SHANK2: variants seen among roughly 807,000 people sequenced by gnomAD.
SHANK2 encodes SH3 and multiple ankyrin repeat domains 2, also known as SH3 and multiple ankyrin repeat domains protein 2.
Under a neutral mutation model 133.7 loss-of-function variants are expected in SHANK2, and 43 were observed. That is an observed-to-expected ratio of 0.32 (90% CI 0.25 to 0.41). SHANK2 has a LOEUF of 0.41. Among genes scored for constraint, SHANK2 ranks in the 10% least tolerant of loss-of-function variants. The pLI is 1.00. For synonymous variants in SHANK2, 1,017 were observed against 952.8 expected (o/e 1.07, Z -1.24); for missense variants, 1,994 against 2,235.8 (o/e 0.89, Z 2.18).
chr11:70,897,130 C>T (rs1555075852), intron 10 of SHANK2, among the ~76,000 whole-genome samples: 1 of 152,148 alleles, frequency 6.6e-6, no homozygotes, highest in African/African-American at 2.4e-5. Context: ...CAACTCCGGC[C>T]CTACAGATCT....
At chr11:70,836,007 GC>G (rs1948809839) in intron 11 of SHANK2, among the ~76,000 whole-genome samples, 1 of 152,186 alleles carries the variant, frequency 6.6e-6, no homozygotes, top group African/African-American at 2.4e-5. Flanking sequence ...GGGGTGGGCT[GC>G]CCACCACCTC....
chr11:71,168,125 A>G (rs1157815355), intron 2 of SHANK2, among the ~76,000 whole-genome samples: 155 of 124,000 alleles, frequency 1.3e-3, no homozygotes, highest in African/African-American at 4.8e-3. Flanking sequence ...GTTGCCAGGC[A>G]GAGGGTCTCC....
At chr11:71,237,533 C>G (rs782380645) in intron 1 of SHANK2, among the ~76,000 whole-genome samples, 4 of 152,332 alleles carry the variant, frequency 2.6e-5, no homozygotes, top group Non-Finnish European at 4.4e-5. Context: ...CTCAACTTAA[C>G]AGTGGCTTAT....
chr11:70,936,449 T>G (rs1590851102), intron 10 of SHANK2, among the ~76,000 whole-genome samples: 1 of 151,792 alleles, frequency 6.6e-6, no homozygotes. Flanking sequence ...GAGGTGGAGG[T>G]TGCAGTGAGC....
intron 2 of SHANK2, among the ~76,000 whole-genome samples, chr11:71,201,932 C>T (rs1197935250): frequency 6.6e-6 from 1 of 152,238 alleles, no homozygotes; most frequent in African/African-American, 2.4e-5. Context: ...AAAGGCACAG[C>T]CATGAGCCCT....
chr11:70,708,859 A>T (rs558806884), intron 14 of SHANK2, among the ~76,000 whole-genome samples: 65 of 152,178 alleles, frequency 4.3e-4, no homozygotes, highest in Non-Finnish European at 8.4e-4. Context: ...TGAAGAGGGG[A>T]TTGAAAGGCC....
Position 70,485,679 on chromosome 11 carries a change from T to C in SHANK2, c.4614A>G (p.Ala1538=), listed in dbSNP as rs1555153015. 6.2e-7 allele frequency: 1 copy of C among 1,614,110 alleles called. No individual in the cohort carries two copies. The highest frequency in any genetic ancestry group is 8.5e-7 in the Non-Finnish European group (1 of 1,180,030). ...GTACTGGGGGTTTGTCAACCATAAATGCTTGCCCATCTGCATAGACTGTGC... is the reference window on the plus strand; with the variant it reads ...GTACTGGGGGTTTGTCAACCATAAACGCTTGCCCATCTGCATAGACTGTGC... ...DTCTVYADGQ[A]FMVDKPPVPP... is the part of the protein sequence containing the mutation. The change falls in exon 25 of 26, where the codon GCA becomes GCG. Residue 1538 remains alanine, a synonymous_variant. Coordinates refer to ENST00000601538, the MANE Select transcript of SHANK2 (RefSeq NM_012309.5). This position sits in a 1 kb window ranked among gnomAD's most constrained non-coding sequence, Gnocchi z 5.8.
chr11:71,159,971 G>GA (rs34199845), intron 2 of SHANK2, among the ~76,000 whole-genome samples: 44,180 of 113,928 alleles, frequency 0.39, 8,029 homozygotes, highest in East Asian at 0.49. Flanking sequence ...TGGGTGGCAG[G>GA]AAAAAAAAAA....
intron 3 of SHANK2, among the ~76,000 whole-genome samples, chr11:71,141,282 C>G (rs1555105721): frequency 6.6e-6 from 1 of 151,858 alleles, no homozygotes; most frequent in Non-Finnish European, 1.5e-5. Context: ...CACCTGAGGT[C>G]AGGCGTTCGA....
chr11:71,160,517 C>T (rs35455201), intron 2 of SHANK2, among the ~76,000 whole-genome samples: 1 of 152,174 alleles, frequency 6.6e-6, no homozygotes, highest in Non-Finnish European at 1.5e-5. Context: ...CTGCAACCAA[C>T]CATGTGTGGA....
intron 14 of SHANK2, among the ~76,000 whole-genome samples, chr11:70,797,832 T>TACATACAC (rs1555049500): frequency 2.1e-5 from 3 of 141,944 alleles, no homozygotes; most frequent in African/African-American, 7.9e-5. Context: ...TCCACTCTCA[T>TACATACAC]ACACACACAC....
chr11:70,561,097 C>T (rs2059904224), intron 17 of SHANK2, among the ~76,000 whole-genome samples: 2 of 152,224 alleles, frequency 1.3e-5, no homozygotes, highest in Admixed American at 6.5e-5. Context: ...CTTCCTCTCT[C>T]ATTTCTGCTG....
intron 6 of SHANK2, among the ~76,000 whole-genome samples, chr11:71,106,941 T>A (rs1555098040): frequency 6.6e-6 from 1 of 150,990 alleles, no homozygotes; most frequent in Non-Finnish European, 1.5e-5. Context: ...CTGGGCAACA[T>A]GGCAAAACCC....
intron 3 of SHANK2, among the ~76,000 whole-genome samples, chr11:71,131,029 C>T (rs1337712487): frequency 5.3e-5 from 8 of 152,204 alleles, no homozygotes; most frequent in African/African-American, 1.7e-4. Flanking sequence ...TTTAAGGACC[C>T]GTCATAAACA....
In SHANK2 at chr11:70,569,780, T is replaced by C. The variant is rs2060021374; in HGVS notation, c.2062-66849A>G. 6.6e-6 allele frequency among the ~76,000 whole-genome samples: 1 copy of C among 151,910 alleles called. No homozygotes were observed. Among genetic ancestry groups the C allele is most frequent in the Non-Finnish European group, 1.5e-5 (1 of 67,978 alleles). ...AGATGCTCTCCTGTCCCTGGGGGGC[T>C]GTGATGCTGGCAGATGTGTGAGCAC... On this transcript the variant is annotated intron_variant, in intron 17 of 25. Coordinates refer to ENST00000601538, the MANE Select transcript of SHANK2 (RefSeq NM_012309.5). This position sits in a 1 kb window ranked among gnomAD's most constrained non-coding sequence, Gnocchi z 5.1.
At chr11:71,069,518 C>T (rs1250542588) in intron 9 of SHANK2, among the ~76,000 whole-genome samples, 2 of 152,236 alleles carry the variant, frequency 1.3e-5, no homozygotes, top group African/African-American at 2.4e-5. Flanking sequence ...TCACCACTAA[C>T]ACCACTGCTA....
At chr11:70,510,955 G>A (rs891845083) in intron 17 of SHANK2, among the ~76,000 whole-genome samples, 1 of 152,200 alleles carries the variant, frequency 6.6e-6, no homozygotes, top group African/African-American at 2.4e-5. Context: ...CGACCATGCT[G>A]GTCTTAAGTT....
chr11:70,910,449 G>A (rs1950174676), intron 10 of SHANK2, among the ~76,000 whole-genome samples: 1 of 152,198 alleles, frequency 6.6e-6, no homozygotes, highest in Admixed American at 6.5e-5. Context: ...CACAGGAGCA[G>A]AAGCAATCAC....
intron 9 of SHANK2, among the ~76,000 whole-genome samples, chr11:71,062,396 C>G (rs1020068873): frequency 8.5e-5 from 13 of 152,322 alleles, no homozygotes; most frequent in Admixed American, 3.3e-4. Context: ...CAGCCAGTTC[C>G]CATCTGGGGC....
Sources: allele counts gnomAD v4.1 joint callset (sites outside exome capture counted in the v4.1 genomes callset), GRCh38; gene constraint gnomAD v4.1.1; non-coding constraint Gnocchi (gnomAD v3.1); transcripts MANE v1.5; gene names NCBI Gene and HGNC (gene_info 2026-07-23, HGNC 2026-07-21).